The following SLC22A15 variants were observed in gnomAD, a reference collection of about 807,000 sequenced individuals.
SLC22A15 encodes the protein solute carrier family 22 member 15.
A neutral mutation model predicts 62.7 loss-of-function variants in SLC22A15; 45 were observed. The ratio of observed to expected loss-of-function variants is 0.72; its 90% CI spans 0.56 to 0.92. The LOEUF (loss-of-function observed/expected upper bound fraction) is 0.92, where lower values mean the gene tolerates loss of function less well. Ranked by LOEUF, SLC22A15 falls within the 40% of genes least tolerant of loss-of-function variation. The pLI is 0.00. For missense variants in SLC22A15, 622 were observed against 665.6 expected, an observed-to-expected ratio of 0.93 and a Z score of 0.72; for synonymous variants, 264 against 267.0, an observed-to-expected ratio of 0.99 and a Z score of 0.11.
At chr1:116,034,407 C>T (rs1176002719) in intron 6 of SLC22A15, among the ~76,000 whole-genome samples, 1 of 152,144 alleles carries the variant, frequency 6.6e-6, no homozygotes, top group East Asian at 1.9e-4. Flanking sequence ...TTCCTCAGCT[C>T]TTTAGTTCTT....
chr1:116,023,549 A>G (rs983835535), intron 4 of SLC22A15, among the ~76,000 whole-genome samples: 1 of 152,208 alleles, frequency 6.6e-6, no homozygotes, highest in African/African-American at 2.4e-5. Flanking sequence ...CATTTATTAA[A>G]CGGATTCTGC....
At chr1:116,063,483 G>A (rs1306498586) in intron 9 of SLC22A15, among the ~76,000 whole-genome samples, 6 of 152,192 alleles carry the variant, frequency 3.9e-5, no homozygotes, top group African/African-American at 1.4e-4. Flanking sequence ...TTGCAGAACT[G>A]CTTCTGTGGC....
intron 2 of SLC22A15, among the ~76,000 whole-genome samples, chr1:116,016,026 A>G (rs1656502256): frequency 6.6e-6 from 1 of 152,096 alleles, no homozygotes; most frequent in Non-Finnish European, 1.5e-5. Context: ...TTTTTTCTTC[A>G]AATGCTGGAG....
Position 116,062,873 on chromosome 1 carries a change from C to T in SLC22A15, c.1283C>T (p.Thr428Ile). The change falls in exon 9 of 12, where the codon ACA becomes ATA. Residue 428 changes from threonine (T) to isoleucine (I), a missense_variant. Thr to Ile is a moderately conservative substitution (Grantham distance 89). Transcript: ENST00000369503. ...VYIYTSELYPTVIRNVGLGTC... is the reference protein window; with the variant it reads ...VYIYTSELYPIVIRNVGLGTC... ...ATCTACACCTCTGAGCTTTACCCTA[C>T]AGTCATCAGGTACGTGTCTCACACA... is the stretch of plus-strand genomic sequence containing the variant. 1 of 1,613,582 alleles carries T rather than the reference C, an allele frequency of 6.2e-7. No homozygotes were observed. Among genetic ancestry groups the T allele is most frequent in the Non-Finnish European group, 8.5e-7 (1 of 1,179,606 alleles).
chr1:116,052,950 AT>A (rs1658102442), intron 8 of SLC22A15, among the ~76,000 whole-genome samples: 2 of 152,132 alleles, frequency 1.3e-5, no homozygotes, highest in Non-Finnish European at 1.5e-5. Context: ...AACCACAAAG[AT>A]GGGGAAAAAA....
intron 1 of SLC22A15, among the ~76,000 whole-genome samples, chr1:115,987,273 C>A (rs1387002479): frequency 6.6e-6 from 1 of 150,982 alleles, no homozygotes; most frequent in Admixed American, 6.6e-5. Context: ...TCACGCCATT[C>A]TCCTGCCTCA....
intron 6 of SLC22A15, among the ~76,000 whole-genome samples, chr1:116,033,141 T>C (rs377438273): frequency 1.3e-5 from 2 of 152,320 alleles, no homozygotes; most frequent in African/African-American, 4.8e-5. Context: ...TTCTAAAATC[T>C]TCTCTGTGGA....
intron 8 of SLC22A15, 130 bp from the exon 9 acceptor site, chr1:116,062,632 A>C (rs1056050599): frequency 2.0e-6 from 2 of 1,019,880 alleles, no homozygotes; most frequent in African/African-American, 1.6e-5. Context: ...CTGAATGTGT[A>C]TTTGGTTACA....
intron 4 of SLC22A15, among the ~76,000 whole-genome samples, chr1:116,025,325 A>G (rs775744109): frequency 1.2e-4 from 19 of 152,176 alleles, no homozygotes; most frequent in Non-Finnish European, 2.4e-4. Context: ...TGTTTGATCT[A>G]CAGCAGTGAA....
intron 1 of SLC22A15, among the ~76,000 whole-genome samples, chr1:115,990,908 C>G (rs1655113656): frequency 6.6e-6 from 1 of 152,150 alleles, no homozygotes; most frequent in Non-Finnish European, 1.5e-5. Context: ...CAGGTGCCCA[C>G]CACCACACCC....
chr1:116,000,831 A>C (rs1266551137), intron 2 of SLC22A15, among the ~76,000 whole-genome samples: 7 of 151,774 alleles, frequency 4.6e-5, no homozygotes, highest in Middle Eastern at 3.4e-3. Context: ...ACGGGGTTTC[A>C]CTGTGTTAGC....
At chr1:116,009,163 T>C (rs12098195) in intron 2 of SLC22A15, among the ~76,000 whole-genome samples, 10,318 of 152,150 alleles carry the variant, frequency 0.068, 1,185 homozygotes, top group African/African-American at 0.24. Flanking sequence ...ACATTCACTA[T>C]GTCTCTCCTC....
At chr1:116,054,868 C>T (rs1658158739) in intron 8 of SLC22A15, among the ~76,000 whole-genome samples, 1 of 151,698 alleles carries the variant, frequency 6.6e-6, no homozygotes, top group South Asian at 2.1e-4. Context: ...AGAACAAAGA[C>T]ACAACATACC....
intron 2 of SLC22A15, among the ~76,000 whole-genome samples, chr1:116,008,482 A>G (rs2101191269): frequency 6.6e-6 from 1 of 152,342 alleles, no homozygotes; most frequent in African/African-American, 2.4e-5. Flanking sequence ...TAGAGTCCAC[A>G]TAGCAAGCAG....
At chr1:116,038,756 A>G (rs950763002) in intron 8 of SLC22A15, among the ~76,000 whole-genome samples, 40 of 152,128 alleles carry the variant, frequency 2.6e-4, no homozygotes, top group Admixed American at 3.3e-4. Flanking sequence ...TTTGTTTTGC[A>G]CAGGTACCTT....
chr1:116,039,916 A>G (rs1015879015), intron 8 of SLC22A15, among the ~76,000 whole-genome samples: 1 of 152,254 alleles, frequency 6.6e-6, no homozygotes, highest in African/African-American at 2.4e-5. Context: ...ACATATAAAG[A>G]AAATGACCTA....
chr1:116,056,636 C>T (rs1169687051), intron 8 of SLC22A15, among the ~76,000 whole-genome samples: 17 of 151,530 alleles, frequency 1.1e-4, no homozygotes, highest in African/African-American at 1.9e-4. Flanking sequence ...GGAGGCATCA[C>T]GCTACCTGAC....
chr1:116,066,761 A>G, intron 11 of SLC22A15, 53 bp downstream of exon 11: 1 of 1,503,234 alleles, frequency 6.7e-7, no homozygotes, highest in Non-Finnish European at 9.0e-7. Context: ...AGTTAATGAA[A>G]AAAAGAAGGT....
At chr1:116,002,470 GCCA>G (rs1655791201) in intron 2 of SLC22A15, among the ~76,000 whole-genome samples, 1 of 152,002 alleles carries the variant, frequency 6.6e-6, no homozygotes, top group African/African-American at 2.4e-5. Flanking sequence ...GTCTGGAAAT[GCCA>G]TCCAGGCAGT....
Sources: allele counts gnomAD v4.1 joint callset (sites outside exome capture counted in the v4.1 genomes callset), GRCh38; gene constraint gnomAD v4.1.1; transcripts MANE v1.5; gene names NCBI Gene and HGNC (gene_info 2026-07-23, HGNC 2026-07-21).